Variants in PCDHA5 observed in about 807,000 individuals in gnomAD.
PCDHA5 encodes protocadherin alpha-5.
In PCDHA5, 43 loss-of-function variants were observed where a neutral mutation model predicts 61.6. The observed-to-expected ratio is 0.70, with a 90% CI of 0.55 to 0.90. The LOEUF (loss-of-function observed/expected upper bound fraction) is 0.90, where lower values mean the gene tolerates loss of function less well. Ranked by LOEUF, PCDHA5 falls within the 40% of genes least tolerant of loss-of-function variation. PCDHA5 has a pLI of 0.00. For synonymous variants in PCDHA5, 627 were observed against 543.9 expected, an observed-to-expected ratio of 1.15 and a Z score of -2.13; for missense variants, 1,298 against 1,222.7, an observed-to-expected ratio of 1.06 and a Z score of -0.92.
chr5:140,857,187 C>A (rs202051639), intron 1 of PCDHA5: 1 of 1,598,516 alleles, frequency 6.3e-7, no homozygotes, highest in East Asian at 2.2e-5. Context: ...GATTCAGGAG[C>A]CAACGGACAG....
At chr5:140,999,143 A>G (rs2097848811) in intron 3 of PCDHA5, among the ~76,000 whole-genome samples, 1 of 152,214 alleles carries the variant, frequency 6.6e-6, no homozygotes, top group Non-Finnish European at 1.5e-5. Context: ...CACAGCCGGA[A>G]GTCTTCAGTC....
At chr5:140,932,091 T>G (rs904157159) in intron 1 of PCDHA5, among the ~76,000 whole-genome samples, 1 of 151,872 alleles carries the variant, frequency 6.6e-6, no homozygotes, top group Non-Finnish European at 1.5e-5. Context: ...GAAAACATGG[T>G]TTTTATCTCT....
intron 3 of PCDHA5, among the ~76,000 whole-genome samples, chr5:141,000,385 CTCTCTCTCTCTATATA>C (rs1454405199): frequency 1.1e-4 from 7 of 64,984 alleles, no homozygotes; most frequent in African/African-American, 4.8e-4. Flanking sequence ...CTCTCTCTCT[CTCTCTCTCTCTATATA>C]TATATATATA....
chr5:140,937,148 C>T (rs1400872734), intron 1 of PCDHA5, among the ~76,000 whole-genome samples: 6 of 151,842 alleles, frequency 4.0e-5, no homozygotes, highest in Non-Finnish European at 8.8e-5. Flanking sequence ...TGCCATTCTC[C>T]TGCCTCAGCC....
At chr5:140,968,365 T>C (rs1554230638) in intron 1 of PCDHA5, 1 of 1,614,112 alleles carries the variant, frequency 6.2e-7, no homozygotes, top group Non-Finnish European at 8.5e-7. Context: ...GCCTTTATGC[T>C]GTCAACTCCT....
intron 1 of PCDHA5, among the ~76,000 whole-genome samples, chr5:140,952,792 T>C (rs2094798499): frequency 6.6e-6 from 1 of 152,210 alleles, no homozygotes; most frequent in African/African-American, 2.4e-5. Flanking sequence ...GAGGTTTAAC[T>C]GGCTCGCAGT....
intron 2 of PCDHA5, among the ~76,000 whole-genome samples, chr5:140,981,442 C>T (rs1379745081): frequency 6.6e-6 from 1 of 151,988 alleles, no homozygotes; most frequent in Non-Finnish European, 1.5e-5. Flanking sequence ...GGCATGGTGG[C>T]GGGTGCCTGT....
chr5:140,870,854 T>G, intron 1 of PCDHA5: 4 of 1,613,784 alleles, frequency 2.5e-6, no homozygotes, highest in Non-Finnish European at 3.4e-6. Flanking sequence ...CCGCGGTCGG[T>G]GGGTGCGGGC....
At position 140,848,656 on chromosome 5, in the gene PCDHA5, TGGAGCTGGC is replaced by T. The variant is rs2150416289; in HGVS notation, c.2352+24538_2352+24546del. 5 of 1,592,712 alleles carry T rather than the reference TGGAGCTGGC, an allele frequency of 3.1e-6. 1 individual carries two copies. Among genetic ancestry groups the T allele is most frequent in the Admixed American group, 3.4e-5 (2 of 59,208 alleles). ...GGCCGCATCGCGCAGGACCTGGGGC[TGGAGCTGGC>T]GGAGCTGGTGCCGCGCCTGTTCCAG... On this transcript the variant is annotated intron_variant, in intron 1 of 3. Coordinates refer to ENST00000529859, the MANE Select transcript of PCDHA5 (RefSeq NM_018908.3).
chr5:140,952,417 C>T (rs2153696080), intron 1 of PCDHA5, among the ~76,000 whole-genome samples: 1 of 152,190 alleles, frequency 6.6e-6, no homozygotes, highest in Non-Finnish European at 1.5e-5. Flanking sequence ...TAATGTTCCG[C>T]AGATTCCTAC....
intron 1 of PCDHA5, among the ~76,000 whole-genome samples, chr5:140,871,781 T>C (rs2053304252): frequency 6.6e-6 from 1 of 152,238 alleles, no homozygotes. Flanking sequence ...CTGTAGTCAC[T>C]TGAGTAGAAA....
At position 140,947,043 on chromosome 5, in the gene PCDHA5, G is replaced by T. The variant is rs188994500; in HGVS notation, c.2353-31906G>T. Among the ~76,000 whole-genome samples the T allele has an allele frequency of 1.7e-3, 259 of 151,702 alleles. 2 individuals carry two copies. Among genetic ancestry groups the T allele is most frequent in the African/African-American group, 5.9e-3 (243 of 41,466 alleles). On this transcript the variant is annotated intron_variant, in intron 1 of 3. Transcript: ENST00000529859. ...AGGTAATGGATATACTAATTACCCT[G>T]ATTTGATCATTACACAGTGTATATA... is the stretch of plus-strand genomic sequence containing the variant.
intron 1 of PCDHA5, chr5:140,850,085 G>A: frequency 1.3e-6 from 2 of 1,596,624 alleles, no homozygotes; most frequent in Non-Finnish European, 1.7e-6. Flanking sequence ...AGCTGGAGCT[G>A]CTACAGTTCC....
rs782052342 is a variant in PCDHA5, at chr5:140,927,029, C to T, written c.2353-51920C>T. On this transcript the variant is annotated intron_variant, in intron 1 of 3. Transcript: ENST00000529859. ...AATCTCTCCGCGGACTTGAGGCTGC[C>T]AGCGGCCGCTATGTCCTCGCGGAAC... 1.9e-6 allele frequency: 3 copies of T among 1,612,358 alleles called. No homozygotes were observed. In the South Asian group the frequency reaches 3.3e-5, roughly 18 times the overall value.
intron 1 of PCDHA5, among the ~76,000 whole-genome samples, chr5:140,974,766 G>A (rs2096639663): frequency 6.6e-6 from 1 of 152,158 alleles, no homozygotes; most frequent in Non-Finnish European, 1.5e-5. Flanking sequence ...GGGATTACAG[G>A]TATGAGCCAC....
chr5:140,846,341 GC>G (rs1780334025), intron 1 of PCDHA5, among the ~76,000 whole-genome samples: 1 of 144,650 alleles, frequency 6.9e-6, no homozygotes, highest in Non-Finnish European at 1.5e-5. Flanking sequence ...CTTTTAAAGT[GC>G]TTTCTCTTTT....
intron 1 of PCDHA5, among the ~76,000 whole-genome samples, chr5:140,845,933 C>T (rs1174545487): frequency 6.7e-6 from 1 of 149,546 alleles, no homozygotes; most frequent in African/African-American, 2.5e-5. Flanking sequence ...GTAAAACTAT[C>T]TTCTGTAAAG....
intron 1 of PCDHA5, chr5:140,825,365 TAAATATCTA>T (rs1226822956): frequency 1.4e-5 from 2 of 147,138 alleles, no homozygotes; most frequent in African/African-American, 5.0e-5. Context: ...ATTAGATATA[TAAATATCTA>T]AAATATCTAA....
At chr5:140,983,257 A>C (rs2097036264) in intron 3 of PCDHA5, among the ~76,000 whole-genome samples, 1 of 152,214 alleles carries the variant, frequency 6.6e-6, no homozygotes, top group Non-Finnish European at 1.5e-5. Context: ...GTTGTGTAAA[A>C]AACCTAATGG....
Sources: allele counts gnomAD v4.1 joint callset (sites outside exome capture counted in the v4.1 genomes callset), GRCh38; gene constraint gnomAD v4.1.1; transcripts MANE v1.5; gene names NCBI Gene and HGNC (gene_info 2026-07-23, HGNC 2026-07-21).